The following NALF1 variants were observed in gnomAD, a reference collection of about 807,000 sequenced individuals.
The protein encoded by NALF1 is family with sequence similarity 155 member A.
NALF1 carries 3 observed loss-of-function variants against 48.4 expected under a neutral mutation model. That is an observed-to-expected ratio of 0.06 (90% confidence interval 0.03 to 0.16). The LOEUF is 0.16. Among genes scored for constraint, NALF1 ranks in the 10% least tolerant of loss-of-function variants. The pLI is 1.00. For missense variants in NALF1, 526 were observed against 571.5 expected, an observed-to-expected ratio of 0.92 and a Z score of 0.81; for synonymous variants, 262 against 245.7, an observed-to-expected ratio of 1.07 and a Z score of -0.62.
intron 1 of NALF1, among the ~76,000 whole-genome samples, chr13:107,245,471 A>G (rs1880562746): frequency 6.6e-6 from 1 of 152,234 alleles, no homozygotes; most frequent in Non-Finnish European, 1.5e-5. Context: ...TCACCAAGTA[A>G]TAACTCTGAT....
rs1484076561 is a variant in NALF1 at position 107,164,500 on chromosome 13, T to C, written c.*5997A>G. On this transcript the variant is annotated 3_prime_UTR_variant, in exon 3 of 3. Coordinates refer to ENST00000375915, the MANE Select transcript of NALF1 (RefSeq NM_001080396.3). Reference sequence around the variant, plus strand: ...TTCAGAGGCATCAAATATTTATATATATTTTTTGATCTATGAGTGCCTTAA... The same window carrying C: ...TTCAGAGGCATCAAATATTTATATACATTTTTTGATCTATGAGTGCCTTAA... 2.0e-5 allele frequency: 3 copies of C among 152,134 alleles called. No homozygotes were observed. The highest frequency in any genetic ancestry group is 4.4e-5 in the Non-Finnish European group (3 of 68,030). The allele number at this position is 152,134 out of a possible 1,614,324, so 9.4% of individuals were successfully genotyped here. A position where few individuals can be genotyped will look rare whatever the true frequency, so the allele number is the denominator to read the frequency against.
chr13:107,506,315 A>G (rs998805294), intron 1 of NALF1, among the ~76,000 whole-genome samples: 4 of 152,104 alleles, frequency 2.6e-5, no homozygotes, highest in Admixed American at 1.3e-4. Context: ...ACCTGTATGT[A>G]TTTTTTCTAT....
At chr13:107,409,492 G>A (rs1357159357) in intron 1 of NALF1, among the ~76,000 whole-genome samples, 2 of 152,136 alleles carry the variant, frequency 1.3e-5, no homozygotes, top group East Asian at 1.9e-4. Context: ...TATGGAAGAC[G>A]AATGGGTGTG....
At chr13:107,650,924 C>G (rs35796540) in intron 1 of NALF1, among the ~76,000 whole-genome samples, 2 of 149,170 alleles carry the variant, frequency 1.3e-5, no homozygotes, top group South Asian at 2.2e-4. Flanking sequence ...GTCTACTTGA[C>G]GGGGGAGGGT....
rs72657214 is a variant in NALF1, at chr13:107,723,202, C to T, written c.915+142480G>A. Among the ~76,000 whole-genome samples the T allele has an allele frequency of 6.0e-3, 916 of 152,092 alleles. 2 individuals carry two copies. Among genetic ancestry groups the T allele is most frequent in the Non-Finnish European group, 0.01 (687 of 67,984 alleles). On this transcript the variant is annotated intron_variant, in intron 1 of 2. Coordinates refer to ENST00000375915, the MANE Select transcript of NALF1 (RefSeq NM_001080396.3). ...TTTATGATGACCCAGTACCAGAATC[C>T]CTTGCTGCTTTTGTGGTTCCTGACT...
intron 1 of NALF1, among the ~76,000 whole-genome samples, chr13:107,732,765 G>A (rs1433564648): frequency 6.6e-6 from 1 of 152,090 alleles, no homozygotes; most frequent in African/African-American, 2.4e-5. Context: ...TGATAGATAA[G>A]CTTGCAGAGT....
In NALF1 at chr13:107,170,476, G is replaced by A. The variant is rs1304525032; in HGVS notation, c.*21C>T. 2 of 1,568,934 alleles carry A rather than the reference G, an allele frequency of 1.3e-6. No homozygotes were observed. Among genetic ancestry groups the A allele is most frequent in the South Asian group, 2.3e-5 (2 of 87,658 alleles). The stretch of plus-strand genomic sequence containing the variant: ...TTTTCACGGCGGGCCAGCTGCTGCT[G>A]TGGTGACACTCGTCCTTCCGTTACT... On this transcript the variant is annotated 3_prime_UTR_variant, in exon 3 of 3. Coordinates refer to ENST00000375915, the MANE Select transcript of NALF1 (RefSeq NM_001080396.3).
chr13:107,474,489 T>C (rs1885148443), intron 1 of NALF1, among the ~76,000 whole-genome samples: 2 of 152,204 alleles, frequency 1.3e-5, no homozygotes, highest in Admixed American at 1.3e-4. Context: ...CTAGAACTAA[T>C]ACTTAACAAA....
intron 1 of NALF1, among the ~76,000 whole-genome samples, chr13:107,213,069 C>G (rs956647270): frequency 1.3e-5 from 2 of 152,080 alleles, no homozygotes; most frequent in Non-Finnish European, 1.5e-5. Flanking sequence ...CGTCTCCTCT[C>G]TCGCAGACGG....
chr13:107,666,673 T>C lies in NALF1; in HGVS notation c.915+199009A>G, dbSNP rs567018193. 3.9e-5 allele frequency among the ~76,000 whole-genome samples: 6 copies of C among 152,216 alleles called. No homozygotes were observed. The East Asian group carries it at 5.8e-4, about 15-fold the overall frequency. Reference sequence around the variant, plus strand: ...TTAATTTTATCTTCACAAATTGATGTGGATGGCCTGCCACTGCAGGCTCAT... The same window carrying C: ...TTAATTTTATCTTCACAAATTGATGCGGATGGCCTGCCACTGCAGGCTCAT... On this transcript the variant is annotated intron_variant, in intron 1 of 2. Coordinates refer to ENST00000375915, the MANE Select transcript of NALF1 (RefSeq NM_001080396.3).
intron 1 of NALF1, among the ~76,000 whole-genome samples, chr13:107,233,321 G>A (rs577180226): frequency 2.0e-5 from 3 of 152,272 alleles, no homozygotes; most frequent in African/African-American, 7.2e-5. Flanking sequence ...AAGGACCATA[G>A]CAAGGCAGTT....
chr13:107,707,467 C>T (rs2138516319), intron 1 of NALF1, among the ~76,000 whole-genome samples: 1 of 152,306 alleles, frequency 6.6e-6, no homozygotes, highest in East Asian at 1.9e-4. Flanking sequence ...ACCCTTGGAA[C>T]TGAAATGGAA....
At chr13:107,826,457 A>G (rs1240403061) in intron 1 of NALF1, among the ~76,000 whole-genome samples, 1 of 152,236 alleles carries the variant, frequency 6.6e-6, no homozygotes, top group Non-Finnish European at 1.5e-5. Flanking sequence ...AGAGAGGGGC[A>G]TGAAAGAGCG....
intron 1 of NALF1, among the ~76,000 whole-genome samples, chr13:107,220,727 T>C (rs2138814874): frequency 6.6e-6 from 1 of 152,214 alleles, no homozygotes; most frequent in East Asian, 1.9e-4. Context: ...AATGCTCCCG[T>C]CAGTGCACCT....
intron 1 of NALF1, among the ~76,000 whole-genome samples, chr13:107,669,565 T>C (rs1035759983): frequency 2.6e-5 from 4 of 152,154 alleles, no homozygotes; most frequent in Non-Finnish European, 4.4e-5. Context: ...ATCAAACATC[T>C]GTTATTTACA....
At chr13:107,220,787 A>G (rs989944273) in intron 1 of NALF1, among the ~76,000 whole-genome samples, 26 of 152,054 alleles carry the variant, frequency 1.7e-4, no homozygotes, top group African/African-American at 6.3e-4. Flanking sequence ...TCTGGAGAAG[A>G]GAAGAGGACG....
intron 1 of NALF1, among the ~76,000 whole-genome samples, chr13:107,328,311 CACACTT>C (rs1276679948): frequency 1.3e-5 from 2 of 151,092 alleles, no homozygotes; most frequent in African/African-American, 4.9e-5. Context: ...CACACACACA[CACACTT>C]TTGTTTGGCT....
chr13:107,677,399 A>G (rs1410956097), intron 1 of NALF1, among the ~76,000 whole-genome samples: 1 of 152,258 alleles, frequency 6.6e-6, no homozygotes, highest in African/African-American at 2.4e-5. Flanking sequence ...TGAGAAAAAC[A>G]GAAATATCAG....
intron 1 of NALF1, among the ~76,000 whole-genome samples, chr13:107,239,108 A>C (rs1201797171): frequency 6.6e-6 from 1 of 152,232 alleles, no homozygotes; most frequent in African/African-American, 2.4e-5. Flanking sequence ...GATTGATTGA[A>C]TGTGAAAGAT....
Sources: allele counts gnomAD v4.1 joint callset (sites outside exome capture counted in the v4.1 genomes callset), GRCh38; gene constraint gnomAD v4.1.1; transcripts MANE v1.5; gene names NCBI Gene and HGNC (gene_info 2026-07-23, HGNC 2026-07-21).